The following TOMM40L variants were observed in gnomAD, a reference collection of about 807,000 sequenced individuals.
TOMM40L encodes mitochondrial import receptor subunit TOM40B.
TOMM40L carries 17 observed loss-of-function variants against 38.3 expected under a neutral mutation model. The observed-to-expected ratio is 0.44, with a 90% confidence interval of 0.30 to 0.67. TOMM40L has a LOEUF of 0.67. Among genes scored for constraint, TOMM40L ranks in the 30% least tolerant of loss-of-function variants. The pLI, the probability that TOMM40L is intolerant of heterozygous loss-of-function variation, is 0.08. For synonymous variants in TOMM40L, 151 were observed against 150.2 expected (o/e 1.01, Z -0.04); for missense variants, 294 against 390.0 (o/e 0.75, Z 2.07).
chr1:161,229,554 C>T lies in TOMM40L; in HGVS notation c.*459C>T. 1 of 1,342,350 alleles carries T rather than the reference C, an allele frequency of 7.4e-7. No homozygotes were observed. Among genetic ancestry groups the T allele is most frequent in the Admixed American group, 2.2e-5 (1 of 45,904 alleles). 83.2% of individuals were successfully genotyped at this position (1,342,350 alleles called of 1,614,324 possible). ...GGGGCCCACCCATTCCCAGAAGGAG[C>T]TTCTTTACCTCTTAGCCCTGAGGTT... On this transcript the variant is annotated 3_prime_UTR_variant, in exon 10 of 10. Coordinates refer to ENST00000367988, the MANE Select transcript of TOMM40L (RefSeq NM_032174.6).
chr1:161,226,789 C>A, intron 2 of TOMM40L, 99 bp from the exon 3 acceptor site: 1 of 1,425,148 alleles, frequency 7.0e-7, no homozygotes, highest in Non-Finnish European at 9.7e-7. Flanking sequence ...GAGGTTAATT[C>A]CTCCAAAGTG....
At position 161,230,483 on chromosome 1, in the gene TOMM40L, T is replaced by G. The variant is rs1311266179; in HGVS notation, c.*1388T>G. ...GAAAGGCCAAGGGAAGAGAAAAGTCTGCGTTAGTCTGGAGAAGTTGGACTA... is the reference window on the plus strand; with the variant it reads ...GAAAGGCCAAGGGAAGAGAAAAGTCGGCGTTAGTCTGGAGAAGTTGGACTA... On this transcript the variant is annotated 3_prime_UTR_variant, in exon 10 of 10. Coordinates refer to ENST00000367988, the MANE Select transcript of TOMM40L (RefSeq NM_032174.6). 8.0e-6 allele frequency: 4 copies of G among 499,964 alleles called. No individual in the cohort carries two copies. Among genetic ancestry groups the G allele is most frequent in the Non-Finnish European group, 1.1e-5 (3 of 285,526 alleles). 31.0% of individuals were successfully genotyped at this position (499,964 alleles called of 1,614,324 possible).
At position 161,226,442 on chromosome 1, in the gene TOMM40L, C is replaced by A. The variant is rs750727710; in HGVS notation, c.-48C>A. ...CCGTTGGGGGGTAAAGGGGCAATAG[C>A]GTCCTTTCACAGGCTAACCTCGGCT... On this transcript the variant is annotated 5_prime_UTR_variant, in exon 2 of 10. Coordinates refer to ENST00000367988, the MANE Select transcript of TOMM40L (RefSeq NM_032174.6). The A allele has an allele frequency of 3.9e-6, 6 of 1,543,034 alleles. No individual in the cohort carries two copies. Among genetic ancestry groups the A allele is most frequent in the East Asian group, 2.3e-5 (1 of 43,600 alleles).
intron 9 of TOMM40L, 48 bp from the exon 10 acceptor site, chr1:161,228,908 C>T: frequency 1.2e-6 from 2 of 1,613,996 alleles, no homozygotes; most frequent in Non-Finnish European, 8.5e-7. Context: ...GTGACTATTT[C>T]CTCCAATCCC....
At chr1:161,228,567 G>A in intron 8 of TOMM40L, 63 bp downstream of exon 8, 1 of 1,591,798 alleles carries the variant, frequency 6.3e-7, no homozygotes, top group Non-Finnish European at 8.6e-7. Context: ...TGTTCATCTG[G>A]ACCTCTATCG....
chr1:161,226,752 G>A (rs945939544), intron 2 of TOMM40L, 136 bp from the exon 3 acceptor site: 2 of 1,264,222 alleles, frequency 1.6e-6, no homozygotes, highest in African/African-American at 3.0e-5. Context: ...CAAATGAAGT[G>A]GAGCATTTCA....
chr1:161,227,272 A>T lies in TOMM40L; in HGVS notation c.198A>T (p.Ile66=). The T allele has an allele frequency of 6.2e-7, 1 of 1,614,164 alleles. No homozygotes were observed. The highest frequency in any genetic ancestry group is 8.5e-7 in the Non-Finnish European group (1 of 1,180,020). Residue 66 remains isoleucine (I), a synonymous_variant, in exon 4 of 10, where the codon ATA becomes ATT. Coordinates refer to ENST00000367988, the MANE Select transcript of TOMM40L (RefSeq NM_032174.6). The stretch of plus-strand genomic sequence containing the variant: ...CTTTTCCTCAGGTGGCGCACACTAT[A>T]CACATGAGTGCCCTGGGCTTGCCGG... The part of the protein sequence containing the change: ...LSSHFQVAHT[I]HMSALGLPGY...
At chr1:161,227,842 T>C (rs1666460698) in intron 5 of TOMM40L, 42 bp from the exon 6 acceptor site, 4 of 1,607,994 alleles carry the variant, frequency 2.5e-6, no homozygotes, top group Middle Eastern at 1.7e-4. Context: ...ATAATGATCA[T>C]AAAGAGGGAG....
chr1:161,227,850 G>A (rs1558096749), intron 5 of TOMM40L, 34 bp from the exon 6 acceptor site: 1 of 1,610,292 alleles, frequency 6.2e-7, no homozygotes, highest in African/African-American at 1.3e-5. Context: ...CATAAAGAGG[G>A]AGGGAGATTT....
Position 161,229,122 on chromosome 1 carries a change from A to G in TOMM40L, c.*27A>G. ...GTTGTCCAGAGCCAGCCCCCACAGC[A>G]GCTGGAACCTCTGAGTCAGGTGCCC... On this transcript the variant is annotated 3_prime_UTR_variant, in exon 10 of 10. Coordinates refer to ENST00000367988, the MANE Select transcript of TOMM40L (RefSeq NM_032174.6). 1 of 1,614,132 alleles carries G rather than the reference A, an allele frequency of 6.2e-7. No individual in the cohort carries two copies. The highest frequency in any genetic ancestry group is 8.5e-7 in the Non-Finnish European group (1 of 1,180,010).
chr1:161,230,552 G>C lies in TOMM40L; in HGVS notation c.*1457G>C. ...TCAATCTCAGGAATGCTATTACCCA[G>C]AGCCTCTGAGCTACTACTTTGCATC... On this transcript the variant is annotated 3_prime_UTR_variant, in exon 10 of 10. Transcript: ENST00000367988. The C allele has an allele frequency of 1.7e-6, 1 of 576,638 alleles. No homozygotes were observed. The highest frequency in any genetic ancestry group is 2.2e-5 in the South Asian group (1 of 44,808). The allele number at this position is 576,638 out of a possible 1,614,324, so 35.7% of individuals were successfully genotyped here. A position where few individuals can be genotyped will look rare whatever the true frequency, so the allele number is the denominator to read the frequency against.
intron 5 of TOMM40L, 28 bp from the exon 6 acceptor site, chr1:161,227,856 G>A (rs368816193): frequency 3.2e-4 from 521 of 1,612,102 alleles, no homozygotes; most frequent in Middle Eastern, 6.6e-4. Flanking sequence ...GAGGGAGGGA[G>A]ATTTTACTTC....
At chr1:161,227,419 A>ACCC in intron 4 of TOMM40L, 69 bp downstream of exon 4, 1 of 1,460,832 alleles carries the variant, frequency 6.8e-7, no homozygotes, top group Non-Finnish European at 9.5e-7. Flanking sequence ...GAGGAAGAGG[A>ACCC]ATTGTGTGTG....
chr1:161,228,337 G>A (rs772789513), intron 7 of TOMM40L, 29 bp downstream of exon 7: 2 of 1,608,700 alleles, frequency 1.2e-6, no homozygotes, highest in Admixed American at 3.3e-5. Context: ...TAGTGGTGGT[G>A]GTGGGGGGCA....
chr1:161,226,397 C>T lies in TOMM40L; in HGVS notation c.-93C>T. 1 of 1,103,070 alleles carries T rather than the reference C, an allele frequency of 9.1e-7. No individual in the cohort carries two copies. Among genetic ancestry groups the T allele is most frequent in the Non-Finnish European group, 1.3e-6 (1 of 776,636 alleles). The allele number at this position is 1,103,070 out of a possible 1,614,324, so 68.3% of individuals were successfully genotyped here. A position where few individuals can be genotyped will look rare whatever the true frequency, so the allele number is the denominator to read the frequency against. On this transcript the variant is annotated 5_prime_UTR_variant, in exon 2 of 10. Coordinates refer to ENST00000367988, the MANE Select transcript of TOMM40L (RefSeq NM_032174.6). ...GTGGAAGTTTCTGAGGCTGGGGAGCCGGATAATGGGGGGTGGGGCCCGTTG... is the reference window on the plus strand; with the variant it reads ...GTGGAAGTTTCTGAGGCTGGGGAGCTGGATAATGGGGGGTGGGGCCCGTTG...
intron 7 of TOMM40L, 56 bp downstream of exon 7, chr1:161,228,364 G>A: frequency 6.2e-7 from 1 of 1,611,584 alleles, no homozygotes; most frequent in Non-Finnish European, 8.5e-7. Flanking sequence ...GACTTTTCTG[G>A]GGTTCCTGGC....
chr1:161,227,543 G>A (rs1666426619), intron 4 of TOMM40L, 93 bp from the exon 5 acceptor site: 2 of 1,147,744 alleles, frequency 1.7e-6, no homozygotes, highest in Non-Finnish European at 2.5e-6. Context: ...TCCACCAGGG[G>A]GCGCTGTGCA....
chr1:161,227,894 C>G lies in TOMM40L; in HGVS notation c.389C>G (p.Ala130Gly). ...RAKAVFQTQQ[A>G]KFLTWQFDGE... ...GCTCTTGCCACCCAGACGCAGCAGG[C>G]CAAGTTCCTGACATGGCAGTTTGAT... Residue 130 changes from alanine (A) to glycine (G), a missense_variant, in exon 6 of 10, where the codon GCC becomes GGC. By Grantham distance (60) the Ala-to-Gly change is moderately conservative (BLOSUM62 0). Transcript: ENST00000367988. 6.2e-7 allele frequency: 1 copy of G among 1,614,142 alleles called. No homozygotes were observed. Among genetic ancestry groups the G allele is most frequent in the Non-Finnish European group, 8.5e-7 (1 of 1,180,014 alleles).
At position 161,229,564 on chromosome 1, in the gene TOMM40L, T is replaced by C; in HGVS notation, c.*469T>C. On this transcript the variant is annotated 3_prime_UTR_variant, in exon 10 of 10. Coordinates refer to ENST00000367988, the MANE Select transcript of TOMM40L (RefSeq NM_032174.6). Reference sequence around the variant, plus strand: ...CATTCCCAGAAGGAGCTTCTTTACCTCTTAGCCCTGAGGTTTCCTCCTTCC... The same window carrying C: ...CATTCCCAGAAGGAGCTTCTTTACCCCTTAGCCCTGAGGTTTCCTCCTTCC... 7.0e-7 allele frequency: 1 copy of C among 1,431,752 alleles called. No individual in the cohort carries two copies. Among genetic ancestry groups the C allele is most frequent in the Non-Finnish European group, 9.5e-7 (1 of 1,048,832 alleles). 88.7% of individuals were successfully genotyped at this position (1,431,752 alleles called of 1,614,324 possible). A position where few individuals can be genotyped will look rare whatever the true frequency, so the allele number is the denominator to read the frequency against.
Sources: allele counts gnomAD v4.1 joint callset, GRCh38; gene constraint gnomAD v4.1.1; transcripts MANE v1.5; gene names NCBI Gene and HGNC (gene_info 2026-07-23, HGNC 2026-07-21).